MSI2: variants seen among roughly 807,000 people sequenced by gnomAD.
The protein encoded by MSI2 is musashi RNA binding protein 2.
Under a neutral mutation model 45.6 loss-of-function variants are expected in MSI2, and 17 were observed. The ratio of observed to expected loss-of-function variants is 0.37; its 90% CI spans 0.26 to 0.56. The LOEUF is 0.56. Among genes scored for constraint, MSI2 ranks in the 20% least tolerant of loss-of-function variants. The pLI is 0.77. For missense variants in MSI2, 293 were observed against 444.2 expected (o/e 0.66, Z 3.06); for synonymous variants, 156 against 158.2 (o/e 0.99, Z 0.11).
intron 6 of MSI2, among the ~76,000 whole-genome samples, chr17:57,515,504 C>T (rs969960892): frequency 6.6e-6 from 1 of 152,154 alleles, no homozygotes; most frequent in African/African-American, 2.4e-5. Context: ...TGCACCTGGC[C>T]TTATCTGAAT....
chr17:57,633,237 G>A lies in MSI2; in HGVS notation c.727+5934G>A. ...GACAGTGTCCTGTTCTCGCTCCGGGGGAGGTGAATGCACTGAATAACCAGC... is the reference window on the plus strand; with the variant it reads ...GACAGTGTCCTGTTCTCGCTCCGGGAGAGGTGAATGCACTGAATAACCAGC... On this transcript the variant is annotated intron_variant, in intron 10 of 13. Transcript: ENST00000284073. The A allele has an allele frequency of 4.2e-6, 4 of 959,040 alleles. No homozygotes were observed. The South Asian group carries it at 1.5e-4, about 35-fold the overall frequency. The allele number at this position is 959,040 out of a possible 1,614,324, so 59.4% of individuals were successfully genotyped here.
chr17:57,456,998 A>G (rs1175179333), intron 6 of MSI2, among the ~76,000 whole-genome samples: 1 of 152,190 alleles, frequency 6.6e-6, no homozygotes. Context: ...GAAAGGAAGG[A>G]GAAGTTTGGC....
chr17:57,596,940 A>T lies in MSI2; in HGVS notation c.527A>T (p.Asn176Ile). ...KVCEIHFHEI[N>I]NKMVECKKAQ... is the part of the protein sequence containing the mutation. ...TGTGAGATTCATTTCCATGAAATCAATAATAAAATGGTAAGTGTGTAGGGG... is the reference window on the plus strand; with the variant it reads ...TGTGAGATTCATTTCCATGAAATCATTAATAAAATGGTAAGTGTGTAGGGG... The change falls in exon 8 of 14, where the codon AAT (asparagine) becomes ATT (isoleucine). Residue 176 changes from asparagine (N) to isoleucine (I), a missense_variant. Transcript: ENST00000284073. The surrounding 1 kb of genome is among the most constrained non-coding windows in gnomAD (Gnocchi z 4.6). 6.2e-7 allele frequency: 1 copy of T among 1,610,904 alleles called. No homozygotes were observed. The highest frequency in any genetic ancestry group is 8.5e-7 in the Non-Finnish European group (1 of 1,177,044).
chr17:57,512,257 G>T (rs955073480), intron 6 of MSI2, among the ~76,000 whole-genome samples: 1 of 152,130 alleles, frequency 6.6e-6, no homozygotes, highest in African/African-American at 2.4e-5. Flanking sequence ...TGGTAAATAT[G>T]AGTTGATTAA....
chr17:57,612,668 C>T (rs896604396), intron 8 of MSI2, among the ~76,000 whole-genome samples: 2 of 152,214 alleles, frequency 1.3e-5, no homozygotes, highest in Non-Finnish European at 2.9e-5. Flanking sequence ...CAGCCCTGTT[C>T]AGTGAGAGGA....
downstream of MSI2, among the ~76,000 whole-genome samples, chr17:57,688,770 G>C (rs1025785609): frequency 6.6e-6 from 1 of 152,154 alleles, no homozygotes; most frequent in African/African-American, 2.4e-5. Flanking sequence ...CATGGGCTCT[G>C]GGATGTGGGG....
chr17:57,330,571 G>GT (rs1170745135), intron 5 of MSI2, among the ~76,000 whole-genome samples: 1 of 152,134 alleles, frequency 6.6e-6, no homozygotes, highest in Non-Finnish European at 1.5e-5. Flanking sequence ...GAGCCACTGT[G>GT]TCCGGCCTCC....
chr17:57,445,013 G>T (rs2084870197), intron 6 of MSI2, among the ~76,000 whole-genome samples: 1 of 152,168 alleles, frequency 6.6e-6, no homozygotes, highest in African/African-American at 2.4e-5. Flanking sequence ...TTAAAAAGTG[G>T]AGTGTTAGCA....
At chr17:57,551,863 C>T (rs1351253671) in intron 7 of MSI2, among the ~76,000 whole-genome samples, 4 of 152,164 alleles carry the variant, frequency 2.6e-5, no homozygotes, top group Non-Finnish European at 5.9e-5. Context: ...TATGTGCTGA[C>T]CGCTCCTGTA....
At chr17:57,677,235 C>T (rs892437635) in intron 13 of MSI2, among the ~76,000 whole-genome samples, 176 bp downstream of exon 13, 2 of 152,216 alleles carry the variant, frequency 1.3e-5, no homozygotes, top group Non-Finnish European at 2.9e-5. Flanking sequence ...TTTAATCTCT[C>T]ATCTCTTCCT....
intron 5 of MSI2, among the ~76,000 whole-genome samples, chr17:57,297,428 A>G (rs1026183474): frequency 6.6e-6 from 1 of 152,114 alleles, no homozygotes; most frequent in Non-Finnish European, 1.5e-5. Flanking sequence ...TGCATGCCTC[A>G]ATTAAAAAAT....
chr17:57,619,018 C>G (rs1359819306), intron 9 of MSI2, among the ~76,000 whole-genome samples: 1 of 152,168 alleles, frequency 6.6e-6, no homozygotes, highest in Non-Finnish European at 1.5e-5. Context: ...CTTTCTGAGT[C>G]TAACTTGGTA....
intron 5 of MSI2, among the ~76,000 whole-genome samples, chr17:57,315,184 T>G (rs1912752691): frequency 6.6e-6 from 1 of 152,226 alleles, no homozygotes; most frequent in South Asian, 2.1e-4. Context: ...CTGCCCTCTC[T>G]TGACCAAGAG....
rs925487976 is a variant in MSI2 at position 57,683,792 on chromosome 17, G to A, written c.*4275G>A. On this transcript the variant is annotated 3_prime_UTR_variant, in exon 14 of 14. Coordinates refer to ENST00000284073, the MANE Select transcript of MSI2 (RefSeq NM_138962.4). The surrounding 1 kb of genome is among the most constrained non-coding windows in gnomAD (Gnocchi z 5.2). ...AAGCACATTGAAGAAAGACACTGGC[G>A]GGTTTCCCCACCCTCACCCCAAAGC... 1.3e-5 allele frequency: 3 copies of A among 232,020 alleles called. No homozygotes were observed. The highest frequency in any genetic ancestry group is 2.6e-5 in the Non-Finnish European group (3 of 117,500). The allele number at this position is 232,020 out of a possible 1,614,324, so 14.4% of individuals were successfully genotyped here. A position where few individuals can be genotyped will look rare whatever the true frequency, so the allele number is the denominator to read the frequency against.
At chr17:57,488,837 A>C (rs1286249174) in intron 6 of MSI2, among the ~76,000 whole-genome samples, 1 of 151,904 alleles carries the variant, frequency 6.6e-6, no homozygotes, top group Non-Finnish European at 1.5e-5. Context: ...AAAAAAAAAA[A>C]TGTGTTCAGA....
At chr17:57,390,787 C>A (rs886434804) in intron 5 of MSI2, among the ~76,000 whole-genome samples, 4 of 152,150 alleles carry the variant, frequency 2.6e-5, no homozygotes, top group African/African-American at 9.7e-5. Flanking sequence ...GAGAGATGGG[C>A]TCTGGAAATC....
In MSI2 at chr17:57,529,773, C is replaced by A; in HGVS notation, c.454+49C>A. 6.7e-7 allele frequency: 1 copy of A among 1,492,726 alleles called. No individual in the cohort carries two copies. The highest frequency in any genetic ancestry group is 9.2e-7 in the Non-Finnish European group (1 of 1,083,494). The allele number at this position is 1,492,726 out of a possible 1,614,324, so 92.5% of individuals were successfully genotyped here. ...GGTTGCGTTCACCCTCTCCTGGCCTCTCTGTCTGTCATCCCCAGTCCCACT... is the reference window on the plus strand; with the variant it reads ...GGTTGCGTTCACCCTCTCCTGGCCTATCTGTCTGTCATCCCCAGTCCCACT... On this transcript the variant is annotated intron_variant, in intron 7 of 13. Transcript: ENST00000284073. This position sits in a 1 kb window ranked among gnomAD's most constrained non-coding sequence, Gnocchi z 5.3.
intron 5 of MSI2, among the ~76,000 whole-genome samples, chr17:57,349,165 A>T (rs1567773099): frequency 6.6e-6 from 1 of 152,114 alleles, no homozygotes; most frequent in African/African-American, 2.4e-5. Context: ...TGAGGACTCC[A>T]GGCTCTCGTC....
At chr17:57,438,691 A>C (rs889182305) in intron 6 of MSI2, among the ~76,000 whole-genome samples, 14 of 152,120 alleles carry the variant, frequency 9.2e-5, no homozygotes, top group African/African-American at 3.4e-4. Flanking sequence ...GGAGGGGGAA[A>C]ATGGAAGTGG....
Sources: gnomAD v4.1 joint callset for allele counts (sites outside exome capture counted in the v4.1 genomes callset) on GRCh38, gnomAD v4.1.1 for gene constraint, Gnocchi (gnomAD v3.1) non-coding constraint, MANE v1.5 for transcripts, NCBI Gene and HGNC (gene_info 2026-07-23, HGNC 2026-07-21) for gene names.